Variants in CYRIA observed in about 807,000 individuals in gnomAD.
CYRIA encodes the protein CYFIP related Rac1 interactor A.
CYRIA carries 15 observed loss-of-function variants against 43.9 expected under a neutral mutation model. The ratio of observed to expected loss-of-function variants is 0.34; its 90% confidence interval spans 0.23 to 0.53. CYRIA has a LOEUF of 0.53. Ranked by LOEUF, CYRIA falls within the 20% of genes least tolerant of loss-of-function variation. The pLI is 0.94. For missense variants in CYRIA, 236 were observed against 394.2 expected (o/e 0.60, Z 3.40); for synonymous variants, 117 against 136.0 (o/e 0.86, Z 0.97).
At chr2:16,612,488 AAAAG>A (rs1668639838) in intron 2 of CYRIA, among the ~76,000 whole-genome samples, 1 of 152,234 alleles carries the variant, frequency 6.6e-6, no homozygotes, top group Non-Finnish European at 1.5e-5. Context: ...CTTGAAAGTT[AAAAG>A]AAAGATAATT....
At chr2:16,646,659 A>C (rs1669828105) in intron 1 of CYRIA, among the ~76,000 whole-genome samples, 2 of 152,206 alleles carry the variant, frequency 1.3e-5, no homozygotes, top group Admixed American at 6.5e-5. Context: ...AGCATGGGGT[A>C]CCCAGATATT....
chr2:16,586,604 C>T (rs1360467380), intron 3 of CYRIA, among the ~76,000 whole-genome samples: 1 of 149,968 alleles, frequency 6.7e-6, no homozygotes, highest in Non-Finnish European at 1.5e-5. Context: ...GCTTTGGGGA[C>T]ACTTTTCCTT....
intron 1 of CYRIA, among the ~76,000 whole-genome samples, chr2:16,633,201 T>C (rs1172563323): frequency 1.3e-5 from 2 of 152,196 alleles, no homozygotes; most frequent in Non-Finnish European, 2.9e-5. Context: ...TTGTACCCTC[T>C]TGCCCTGCCT....
At position 16,561,206 on chromosome 2, in the gene CYRIA, T is replaced by C; in HGVS notation, c.585A>G (p.Pro195=). The C allele has an allele frequency of 6.2e-7, 1 of 1,613,876 alleles. No homozygotes were observed. The highest frequency in any genetic ancestry group is 8.5e-7 in the Non-Finnish European group (1 of 1,179,808). The change falls in exon 8 of 12, where the codon CCA becomes CCG. Residue 195 remains proline, a synonymous_variant. Transcript: ENST00000381323. ...TGGCATTGCTAAGGGTTTTCAGCAT[T>C]GGCGTGGCTTCTGCATAGAAGAGGG... The part of the protein sequence containing the change: ...RMSLFYAEAT[P]MLKTLSNATM...
At chr2:16,560,781 CA>C (rs1248322920) in intron 9 of CYRIA, 2 of 576,458 alleles carry the variant, frequency 3.5e-6, no homozygotes, top group Non-Finnish European at 6.2e-6. Context: ...GTTGGGAAGT[CA>C]GTCAACCACT....
rs148183097 is a variant in CYRIA, at chr2:16,590,464, G to C, written c.-10-2335C>G. 7.3e-3 allele frequency among the ~76,000 whole-genome samples: 1,112 copies of C among 152,276 alleles called. 10 individuals are homozygous for C. The highest frequency in any genetic ancestry group is 0.012 in the Non-Finnish European group (800 of 68,004). ...ATATTCTTAGGTGTCTTAGTTTTGT[G>C]CTATGAATGTATCATAAGAGACTTG... On this transcript the variant is annotated intron_variant, in intron 2 of 11. Coordinates refer to ENST00000381323, the MANE Select transcript of CYRIA (RefSeq NM_030797.4).
rs116074747 is a variant in CYRIA at position 16,590,759 on chromosome 2, C to G, written c.-10-2630G>C. ...TCAGGATTCCAGAAGTGTCACCTCT[C>G]AAGCAAGGACCTCTAGAACAATGAC... On this transcript the variant is annotated intron_variant, in intron 2 of 11. Coordinates refer to ENST00000381323, the MANE Select transcript of CYRIA (RefSeq NM_030797.4). Among the ~76,000 whole-genome samples, 722 of 152,238 alleles carry G rather than the reference C, an allele frequency of 4.7e-3. 8 individuals are homozygous for G. The highest frequency in any genetic ancestry group is 0.016 in the African/African-American group (669 of 41,554).
chr2:16,618,792 G>A (rs1668895406), intron 2 of CYRIA, among the ~76,000 whole-genome samples: 1 of 152,154 alleles, frequency 6.6e-6, no homozygotes, highest in African/African-American at 2.4e-5. Flanking sequence ...GACCCCCGAA[G>A]GGAAAGATGT....
At chr2:16,607,383 C>T (rs187273503) in intron 2 of CYRIA, among the ~76,000 whole-genome samples, 2 of 152,150 alleles carry the variant, frequency 1.3e-5, no homozygotes, top group East Asian at 1.9e-4. Context: ...TTAGCTGAGT[C>T]GACGAAGTTA....
rs569931475 is a variant in CYRIA, at chr2:16,558,384, C to T, written c.837+1076G>A. Among the ~76,000 whole-genome samples the T allele has an allele frequency of 5.9e-5, 9 of 152,206 alleles. No individual in the cohort carries two copies. In the South Asian group the frequency reaches 1.7e-3, roughly 28 times the overall value. ...ATCTTGCATTCTTCAGACCTATGGC[C>T]CTCCTGGGCATGTAGACTTTCTCTT... On this transcript the variant is annotated intron_variant, in intron 10 of 11. Coordinates refer to ENST00000381323, the MANE Select transcript of CYRIA (RefSeq NM_030797.4).
At chr2:16,656,200 C>T (rs1296978612) in intron 1 of CYRIA, among the ~76,000 whole-genome samples, 1 of 152,114 alleles carries the variant, frequency 6.6e-6, no homozygotes, top group African/African-American at 2.4e-5. Context: ...TATTCACCCC[C>T]ACACACCCAC....
chr2:16,559,712 CA>C (rs1666660756), intron 9 of CYRIA, 126 bp from the exon 10 acceptor site: 2 of 987,798 alleles, frequency 2.0e-6, no homozygotes, highest in African/African-American at 3.3e-5. Context: ...CTGCAACAAC[CA>C]GTTAATATGC....
chr2:16,563,129 G>A (rs953831391), intron 5 of CYRIA, among the ~76,000 whole-genome samples: 1 of 152,142 alleles, frequency 6.6e-6, no homozygotes, highest in Non-Finnish European at 1.5e-5. Context: ...TTTTCCTTCT[G>A]TTGAGCAAAA....
chr2:16,606,588 T>C (rs1019039957), intron 2 of CYRIA, among the ~76,000 whole-genome samples: 2 of 152,134 alleles, frequency 1.3e-5, no homozygotes, highest in Non-Finnish European at 2.9e-5. Context: ...CCTTCTCCTT[T>C]TCCCTGCCCA....
chr2:16,648,296 G>T (rs1669873866), intron 1 of CYRIA, among the ~76,000 whole-genome samples: 4 of 145,650 alleles, frequency 2.7e-5, no homozygotes, highest in Admixed American at 6.8e-5. Context: ...TTGCTCCCAG[G>T]AAGACAGGGT....
intron 1 of CYRIA, among the ~76,000 whole-genome samples, chr2:16,628,700 C>A (rs1187709026): frequency 6.6e-6 from 1 of 152,198 alleles, no homozygotes; most frequent in African/African-American, 2.4e-5. Flanking sequence ...AACATGCAGT[C>A]ACCCGAATAC....
chr2:16,569,732 T>C (rs1480919637), intron 3 of CYRIA, among the ~76,000 whole-genome samples: 1 of 152,228 alleles, frequency 6.6e-6, no homozygotes, highest in African/African-American at 2.4e-5. Context: ...TAAATCCCTA[T>C]GGAAGTCCAT....
chr2:16,611,243 T>TA (rs1247480760), intron 2 of CYRIA, among the ~76,000 whole-genome samples: 1 of 150,656 alleles, frequency 6.6e-6, no homozygotes, highest in East Asian at 1.9e-4. Context: ...CATGTGCCTG[T>TA]AGTCCCAGCT....
intron 3 of CYRIA, 37 bp downstream of exon 3, chr2:16,588,013 T>TA: frequency 7.6e-7 from 1 of 1,322,632 alleles, no homozygotes; most frequent in Non-Finnish European, 1.1e-6. Flanking sequence ...ATAAGGAATG[T>TA]AAAAAAGTTT....
Sources: allele counts gnomAD v4.1 joint callset (sites outside exome capture counted in the v4.1 genomes callset), GRCh38; gene constraint gnomAD v4.1.1; transcripts MANE v1.5; gene names NCBI Gene and HGNC (gene_info 2026-07-23, HGNC 2026-07-21).